The following TMEM45A variants were observed in gnomAD, a reference collection of about 807,000 sequenced individuals.
TMEM45A encodes the protein DNA polymerase-transactivated protein 4.
TMEM45A carries 25 observed loss-of-function variants against 32.0 expected under a neutral mutation model. The observed-to-expected ratio is 0.78, with a 90% CI of 0.57 to 1.09. The LOEUF is 1.09. TMEM45A is among the 50% of genes least tolerant of loss of function. The probability of loss-of-function intolerance (pLI) is 0.00; values close to 1 mark genes in which losing one functional copy is unlikely to be tolerated. For missense variants in TMEM45A, 302 were observed against 325.0 expected, an observed-to-expected ratio of 0.93 and a Z score of 0.54; for synonymous variants, 122 against 114.8, an observed-to-expected ratio of 1.06 and a Z score of -0.40.
At chr3:100,571,106 C>G (rs960925810) in intron 5 of TMEM45A, 4 of 152,130 alleles carry the variant, frequency 2.6e-5, no homozygotes, top group Non-Finnish European at 5.9e-5. Flanking sequence ...ACTTCTTACA[C>G]TCTTTCTTGG....
At chr3:100,543,705 C>A (rs141559528) in intron 1 of TMEM45A, among the ~76,000 whole-genome samples, 1 of 151,878 alleles carries the variant, frequency 6.6e-6, no homozygotes, top group Non-Finnish European at 1.5e-5. Context: ...CAAATTGATT[C>A]CTAATTAAAA....
chr3:100,524,216 C>A (rs147148691), intron 1 of TMEM45A, among the ~76,000 whole-genome samples: 1 of 152,182 alleles, frequency 6.6e-6, no homozygotes, highest in African/African-American at 2.4e-5. Context: ...CTTCTCTATC[C>A]TGCTTCTTTC....
intron 1 of TMEM45A, among the ~76,000 whole-genome samples, chr3:100,534,274 T>C (rs1222469504): frequency 2.0e-5 from 3 of 152,232 alleles, no homozygotes; most frequent in Admixed American, 2.0e-4. Context: ...AGATAATATG[T>C]TACCTGATGC....
chr3:100,574,502 T>C (rs1051459630), intron 5 of TMEM45A: 4 of 152,206 alleles, frequency 2.6e-5, no homozygotes, highest in Non-Finnish European at 5.9e-5. Flanking sequence ...ATTGAGGCAA[T>C]AATCAATAGC....
At chr3:100,504,272 T>G (rs551025672) in intron 1 of TMEM45A, among the ~76,000 whole-genome samples, 1 of 152,104 alleles carries the variant, frequency 6.6e-6, no homozygotes, top group East Asian at 1.9e-4. Context: ...AAGTCTTGCT[T>G]GGATATCGCC....
chr3:100,513,158 C>A (rs1708196190), intron 1 of TMEM45A, among the ~76,000 whole-genome samples: 1 of 147,270 alleles, frequency 6.8e-6, no homozygotes, highest in East Asian at 2.0e-4. Flanking sequence ...CAAAGCCTGG[C>A]AGAGACACAA....
At position 100,557,887 on chromosome 3, in the gene TMEM45A, T is replaced by C. The variant is rs572076831; in HGVS notation, c.404-518T>C. On this transcript the variant is annotated intron_variant, in intron 3 of 5. Coordinates refer to ENST00000323523, the MANE Select transcript of TMEM45A (RefSeq NM_018004.3). ...TGGGAGCTTCCAGAGCATGTTGTTA[T>C]ATCTGTCAAAATCCACCCGTATGTG... 1.1e-3 allele frequency among the ~76,000 whole-genome samples: 173 copies of C among 152,318 alleles called. 1 individual carries two copies. Among genetic ancestry groups the C allele is most frequent in the African/African-American group, 4.0e-3 (168 of 41,566 alleles).
At chr3:100,511,959 C>A (rs1315581508) in intron 1 of TMEM45A, among the ~76,000 whole-genome samples, 1 of 152,002 alleles carries the variant, frequency 6.6e-6, no homozygotes, top group African/African-American at 2.4e-5. Flanking sequence ...TACAGGAGCA[C>A]CCAGATTCAT....
At chr3:100,567,518 CA>C (rs780009246) in intron 4 of TMEM45A, among the ~76,000 whole-genome samples, 1,093 of 63,470 alleles carry the variant, frequency 0.017, 12 homozygotes, top group Admixed American at 0.082. Flanking sequence ...ACCATTTCTG[CA>C]AAAAAAAAAA....
At chr3:100,502,663 A>G (rs1708022347) in intron 1 of TMEM45A, among the ~76,000 whole-genome samples, 1 of 151,960 alleles carries the variant, frequency 6.6e-6, no homozygotes, top group Non-Finnish European at 1.5e-5. Context: ...TAAAGATGGG[A>G]TCTCCCTATG....
intron 1 of TMEM45A, among the ~76,000 whole-genome samples, chr3:100,526,812 C>T (rs1705554161): frequency 6.6e-6 from 1 of 152,108 alleles, no homozygotes; most frequent in African/African-American, 2.4e-5. Flanking sequence ...TTAGAGTCCC[C>T]TAAGTAATTA....
chr3:100,551,473 G>C (rs1462991696), intron 1 of TMEM45A, among the ~76,000 whole-genome samples: 1 of 152,150 alleles, frequency 6.6e-6, no homozygotes, highest in Non-Finnish European at 1.5e-5. Flanking sequence ...TCCTTCAAAC[G>C]AGAATGTCTG....
chr3:100,512,543 C>T (rs141820049), intron 1 of TMEM45A, among the ~76,000 whole-genome samples: 9,803 of 151,924 alleles, frequency 0.065, 518 homozygotes, highest in East Asian at 0.23. Context: ...AAATTGACAC[C>T]CTAACATCAC....
At chr3:100,546,390 A>G (rs529385758) in intron 1 of TMEM45A, among the ~76,000 whole-genome samples, 1 of 152,382 alleles carries the variant, frequency 6.6e-6, no homozygotes, top group South Asian at 2.1e-4. Context: ...TGCTCACCAT[A>G]GAGTCCCCTG....
At chr3:100,533,376 G>T (rs557827339) in intron 1 of TMEM45A, among the ~76,000 whole-genome samples, 81 of 152,064 alleles carry the variant, frequency 5.3e-4, no homozygotes, top group Non-Finnish European at 3.1e-4. Context: ...TGAGAATCAC[G>T]GCTCTAGTAG....
intron 1 of TMEM45A, among the ~76,000 whole-genome samples, chr3:100,505,052 G>T (rs2148930018): frequency 1.3e-5 from 2 of 152,300 alleles, no homozygotes; most frequent in Non-Finnish European, 1.5e-5. Flanking sequence ...AGAACAAAAG[G>T]TTGACCGTGT....
At chr3:100,546,157 G>A (rs563157617) in intron 1 of TMEM45A, among the ~76,000 whole-genome samples, 71 of 152,308 alleles carry the variant, frequency 4.7e-4, no homozygotes, top group African/African-American at 1.7e-3. Flanking sequence ...GGAAAGACAT[G>A]TATTCTCCCT....
At chr3:100,565,458 C>A (rs1289198551) in intron 4 of TMEM45A, among the ~76,000 whole-genome samples, 1 of 152,120 alleles carries the variant, frequency 6.6e-6, no homozygotes, top group African/African-American at 2.4e-5. Context: ...TTCAATATTG[C>A]ACATGAAGTG....
intron 4 of TMEM45A, among the ~76,000 whole-genome samples, chr3:100,561,918 C>A (rs1015728507): frequency 6.6e-6 from 1 of 152,082 alleles, no homozygotes; most frequent in Non-Finnish European, 1.5e-5. Flanking sequence ...TTATGAAGGA[C>A]GAAAGTTCAT....
Sources: allele counts gnomAD v4.1 joint callset (sites outside exome capture counted in the v4.1 genomes callset), GRCh38; gene constraint gnomAD v4.1.1; transcripts MANE v1.5; gene names NCBI Gene and HGNC (gene_info 2026-07-23, HGNC 2026-07-21).